NDUFAF5: variants seen among roughly 807,000 people sequenced by gnomAD.
NDUFAF5 encodes arginine-hydroxylase NDUFAF5, mitochondrial.
NDUFAF5 carries 34 observed loss-of-function variants against 48.9 expected under a neutral mutation model. That is an observed-to-expected ratio of 0.70 (90% confidence interval 0.53 to 0.93). NDUFAF5 has a LOEUF of 0.93. Among genes scored for constraint, NDUFAF5 ranks in the 40% least tolerant of loss-of-function variants. NDUFAF5 has a pLI of 0.00. For synonymous variants in NDUFAF5, 153 were observed against 150.6 expected, an observed-to-expected ratio of 1.02 and a Z score of -0.12; for missense variants, 428 against 427.5, an observed-to-expected ratio of 1.00 and a Z score of -0.01.
At chr20:13,786,611 A>G (rs1981190175) in intron 1 of NDUFAF5, among the ~76,000 whole-genome samples, 1 of 152,292 alleles carries the variant, frequency 6.6e-6, no homozygotes, top group Middle Eastern at 3.4e-3. Context: ...AAAAGCAGGT[A>G]CATCTGTGTT....
Position 13,819,569 on chromosome 20 carries a change from AT to A in NDUFAF5, c.*2360del, listed in dbSNP as rs1986841104. The A allele has an allele frequency of 6.6e-6, 1 of 152,176 alleles. No individual in the cohort carries two copies. The highest frequency in any genetic ancestry group is 1.5e-5 in the Non-Finnish European group (1 of 68,056). 9.4% of individuals were successfully genotyped at this position (152,176 alleles called of 1,614,324 possible). A position where few individuals can be genotyped will look rare whatever the true frequency, so the allele number is the denominator to read the frequency against. The stretch of plus-strand genomic sequence containing the variant: ...TTTTTAATAGAGATGGGGTTTCACC[AT>A]GTTGGCCAGGATGGTCTCAATCTCT... On this transcript the variant is annotated 3_prime_UTR_variant, in exon 11 of 11. Transcript: ENST00000378106.
At position 13,817,199 on chromosome 20, in the gene NDUFAF5, A is replaced by G; in HGVS notation, c.1027A>G (p.Lys343Glu). 3 of 1,611,334 alleles carry G rather than the reference A, an allele frequency of 1.9e-6. No individual in the cohort carries two copies. Among genetic ancestry groups the G allele is most frequent in the Non-Finnish European group, 2.5e-6 (3 of 1,177,498 alleles). Residue 343 changes from lysine (K) to glutamate (E), a missense_variant, in exon 11 of 11, where the codon AAA becomes GAA. Lys to Glu is a moderately conservative substitution (Grantham distance 56). Coordinates refer to ENST00000378106, the MANE Select transcript of NDUFAF5 (RefSeq NM_024120.5). ...AAACAACCTTATGCCACCGGGGAAA[A>G]AATCACAATAAATATTTATTCAGTG... ...KINNLMPPGK[K>E]SQ
At chr20:13,788,985 G>C (rs1243086518) in intron 3 of NDUFAF5, among the ~76,000 whole-genome samples, 2 of 151,946 alleles carry the variant, frequency 1.3e-5, no homozygotes. Context: ...GTGACTTTTA[G>C]CTAGAAAAAT....
intron 1 of NDUFAF5, chr20:13,787,007 T>C: frequency 2.3e-6 from 1 of 439,842 alleles, no homozygotes; most frequent in Non-Finnish European, 4.2e-6. Flanking sequence ...GTTGTGTTCC[T>C]TTTGCTTTTC....
At chr20:13,814,956 C>T (rs1294482253) in intron 8 of NDUFAF5, among the ~76,000 whole-genome samples, 3 of 152,102 alleles carry the variant, frequency 2.0e-5, no homozygotes, top group South Asian at 2.1e-4. Context: ...TGCACAGTTA[C>T]GCCCTGTGCT....
chr20:13,793,688 G>A (rs1982712123), intron 4 of NDUFAF5, among the ~76,000 whole-genome samples: 1 of 152,192 alleles, frequency 6.6e-6, no homozygotes, highest in Non-Finnish European at 1.5e-5. Context: ...ACACTGCAGT[G>A]AAAATCCTTA....
chr20:13,786,548 G>A (rs1001804846), intron 1 of NDUFAF5, among the ~76,000 whole-genome samples: 2 of 152,134 alleles, frequency 1.3e-5, no homozygotes, highest in African/African-American at 2.4e-5. Flanking sequence ...TGACGTACAA[G>A]GTGGACTCCT....
chr20:13,816,230 G>T (rs1274414866), intron 8 of NDUFAF5: 2 of 572,664 alleles, frequency 3.5e-6, no homozygotes, highest in Non-Finnish European at 6.4e-6. Context: ...TTGTGGAGCT[G>T]CCTCCTGAAA....
chr20:13,800,887 A>G (rs963878262), intron 6 of NDUFAF5, among the ~76,000 whole-genome samples: 1 of 152,174 alleles, frequency 6.6e-6, no homozygotes, highest in African/African-American at 2.4e-5. Context: ...TCTCTGCCCT[A>G]CATCTCTCCT....
In NDUFAF5 at chr20:13,810,747, G is replaced by A. The variant is rs571145330; in HGVS notation, c.778+1845G>A. The stretch of plus-strand genomic sequence containing the variant: ...AGGTGTCTGAGAAGGTGGGAAGGGT[G>A]CAATACAAAGGCCAGTGGAGGGGTT... On this transcript the variant is annotated intron_variant, in intron 8 of 10. Transcript: ENST00000378106. Among the ~76,000 whole-genome samples, 3 of 152,194 alleles carry A rather than the reference G, an allele frequency of 2.0e-5. No homozygotes were observed. The South Asian group carries it at 6.2e-4, about 32-fold the overall frequency.
intron 5 of NDUFAF5, 112 bp from the exon 6 acceptor site, chr20:13,798,349 G>C: frequency 1.2e-6 from 1 of 804,782 alleles, no homozygotes; most frequent in Admixed American, 1.9e-5. Context: ...TGGATATGCA[G>C]TTTTAAACTT....
chr20:13,789,199 C>G (rs148808329), intron 3 of NDUFAF5, among the ~76,000 whole-genome samples: 379 of 152,274 alleles, frequency 2.5e-3, no homozygotes, highest in African/African-American at 8.6e-3. Flanking sequence ...GAGTCTCACT[C>G]TGTTGCCCAG....
At chr20:13,816,601 G>A in intron 9 of NDUFAF5, 55 bp downstream of exon 9, 1 of 1,393,544 alleles carries the variant, frequency 7.2e-7, no homozygotes, top group Non-Finnish European at 1.0e-6. Flanking sequence ...GCTGTATCAT[G>A]TTGATTCCCT....
In NDUFAF5 at chr20:13,801,548, C is replaced by T. The variant is rs117002283; in HGVS notation, c.582C>T (p.Leu194=). 0.021 allele frequency: 34,689 copies of T among 1,613,912 alleles called. 439 individuals are homozygous for T. Among genetic ancestry groups the T allele is most frequent in the Non-Finnish European group, 0.025 (29,035 of 1,179,858 alleles). ...FIGAMFGGDT[L]YELRCSLQLA... ...GTGCAATGTTTGGAGGCGACACACT[C>T]TATGAACTTCGGTGTTCCTTACAGT... The change falls in exon 7 of 11, where the codon CTC becomes CTT. Residue 194 remains leucine, a synonymous_variant. Coordinates refer to ENST00000378106, the MANE Select transcript of NDUFAF5 (RefSeq NM_024120.5).
chr20:13,789,625 G>A (rs948401422), intron 3 of NDUFAF5, among the ~76,000 whole-genome samples: 1 of 151,880 alleles, frequency 6.6e-6, no homozygotes, highest in Non-Finnish European at 1.5e-5. Flanking sequence ...ACAGGTGCCC[G>A]CCACCACGCC....
Position 13,818,393 on chromosome 20 carries a change from T to G in NDUFAF5, c.*1183T>G, listed in dbSNP as rs990599944. On this transcript the variant is annotated 3_prime_UTR_variant, in exon 11 of 11. Transcript: ENST00000378106. ...GGATACGCTTGGTAGCTTTTTTGTT[T>G]TAACACAAAGTAAACCTGTGAAGTA... 2 of 356,764 alleles carry G rather than the reference T, an allele frequency of 5.6e-6. No individual in the cohort carries two copies. Among genetic ancestry groups the G allele is most frequent in the Admixed American group, 3.8e-5 (1 of 26,488 alleles). 22.1% of individuals were successfully genotyped at this position (356,764 alleles called of 1,614,324 possible). A position where few individuals can be genotyped will look rare whatever the true frequency, so the allele number is the denominator to read the frequency against.
rs35724891 is a variant in NDUFAF5, at chr20:13,804,424, C to CTT, written c.717+2752_717+2753dup. ...TCACTTTAGTGTGTAACCTTCCAGACTTTTTTTTTTTTAACAAGGACTACT... is the reference window on the plus strand; with the variant it reads ...TCACTTTAGTGTGTAACCTTCCAGACTTTTTTTTTTTTTTAACAAGGACTACT... On this transcript the variant is annotated intron_variant, in intron 7 of 10. Transcript: ENST00000378106. 1.2e-4 allele frequency among the ~76,000 whole-genome samples: 17 copies of CTT among 146,300 alleles called. No individual in the cohort carries two copies. The South Asian group carries it at 1.3e-3, about 11-fold the overall frequency.
At chr20:13,797,830 A>G (rs776814497) in intron 5 of NDUFAF5, among the ~76,000 whole-genome samples, 18 of 152,148 alleles carry the variant, frequency 1.2e-4, no homozygotes, top group Non-Finnish European at 2.2e-4. Flanking sequence ...ATGTGTGGGA[A>G]TAGGAGTATG....
chr20:13,802,736 G>A (rs1984392854), intron 7 of NDUFAF5, among the ~76,000 whole-genome samples: 1 of 149,478 alleles, frequency 6.7e-6, no homozygotes, highest in Admixed American at 6.7e-5. Flanking sequence ...AGGGTGTGAA[G>A]TACCAGGACC....
Sources: allele counts gnomAD v4.1 joint callset (sites outside exome capture counted in the v4.1 genomes callset), GRCh38; gene constraint gnomAD v4.1.1; transcripts MANE v1.5; gene names NCBI Gene and HGNC (gene_info 2026-07-23, HGNC 2026-07-21).